The following PRDM2 variants were observed in gnomAD, a reference collection of about 807,000 sequenced individuals.
PRDM2 encodes PR domain zinc finger protein 2.
Under a neutral mutation model 130.0 loss-of-function variants are expected in PRDM2, and 30 were observed. The ratio of observed to expected loss-of-function variants is 0.23; its 90% CI spans 0.17 to 0.31. The LOEUF (loss-of-function observed/expected upper bound fraction) is 0.31. PRDM2 is among the 10% of genes least tolerant of loss of function. PRDM2 has a pLI of 1.00. For synonymous variants in PRDM2, 871 were observed against 782.4 expected, an observed-to-expected ratio of 1.11 and a Z score of -1.89; for missense variants, 2,011 against 2,108.4, an observed-to-expected ratio of 0.95 and a Z score of 0.90.
At chr1:13,718,638 T>G (rs948174422) in intron 2 of PRDM2, among the ~76,000 whole-genome samples, 9 of 152,078 alleles carry the variant, frequency 5.9e-5, no homozygotes, top group Non-Finnish European at 1.2e-4. Context: ...TCTTAATATC[T>G]CTTAACCTCT....
chr1:13,788,035 C>T (rs1242569128), intron 8 of PRDM2: 8 of 979,872 alleles, frequency 8.2e-6, no homozygotes, highest in Non-Finnish European at 7.3e-6. Context: ...AGAATTTAAA[C>T]AATGCATTTT....
At chr1:13,736,259 C>T (rs1403425566) in intron 4 of PRDM2, among the ~76,000 whole-genome samples, 1 of 152,004 alleles carries the variant, frequency 6.6e-6, no homozygotes, top group Non-Finnish European at 1.5e-5. Context: ...GCCTGTGCCA[C>T]TATGCCACTA....
intron 8 of PRDM2, among the ~76,000 whole-genome samples, 197 bp from the exon 9 acceptor site, chr1:13,816,230 A>G (rs1645254993): frequency 1.3e-5 from 2 of 152,140 alleles, no homozygotes; most frequent in African/African-American, 4.8e-5. Context: ...TGGATGGGAC[A>G]TGGAGAAGTG....
intron 8 of PRDM2, chr1:13,787,139 A>G: frequency 2.0e-6 from 2 of 985,330 alleles, no homozygotes; most frequent in Non-Finnish European, 2.4e-6. Flanking sequence ...ACTCTTTTTT[A>G]TGCCTATTCT....
At chr1:13,790,075 A>G (rs541160368) in intron 8 of PRDM2, among the ~76,000 whole-genome samples, 45 of 145,494 alleles carry the variant, frequency 3.1e-4, no homozygotes, top group African/African-American at 9.4e-4. Context: ...TGGGTTCCAC[A>G]CTTCACCTGG....
At chr1:13,809,744 C>G (rs1645141181) in intron 8 of PRDM2, among the ~76,000 whole-genome samples, 1 of 152,172 alleles carries the variant, frequency 6.6e-6, no homozygotes, top group African/African-American at 2.4e-5. Context: ...GTGGTCCAGA[C>G]CCCGTGTTCA....
chr1:13,721,219 A>T (rs554188050), intron 2 of PRDM2, among the ~76,000 whole-genome samples: 1 of 152,260 alleles, frequency 6.6e-6, no homozygotes, highest in East Asian at 1.9e-4. Context: ...GAGCTGTTTT[A>T]TGGGAGACCA....
chr1:13,748,667 A>G (rs1643691634), intron 5 of PRDM2, among the ~76,000 whole-genome samples: 1 of 152,202 alleles, frequency 6.6e-6, no homozygotes, highest in Admixed American at 6.5e-5. Context: ...GGTGGCCCTC[A>G]CTACTTCCAG....
At chr1:13,812,257 G>A (rs1645185857) in intron 8 of PRDM2, among the ~76,000 whole-genome samples, 1 of 152,158 alleles carries the variant, frequency 6.6e-6, no homozygotes, top group African/African-American at 2.4e-5. Context: ...GTGGCAATGG[G>A]AGTGGAGAGA....
chr1:13,780,449 C>T lies in PRDM2; in HGVS notation c.2654C>T (p.Thr885Ile), dbSNP rs777195970. The T allele has an allele frequency of 6.2e-7, 1 of 1,614,198 alleles. No homozygotes were observed. The highest frequency in any genetic ancestry group is 8.5e-7 in the Non-Finnish European group (1 of 1,180,032). ...GCTGTAAAGAAAAGGAAACCAACCA[C>T]CTGCATGCTGCAGAAGGTTCTTCTC... ...CSAVKKRKPT[T>I]CMLQKVLLNE... The change falls in exon 8 of 10, where the codon ACC (threonine) becomes ATC (isoleucine). Residue 885 changes from threonine (T) to isoleucine (I), a missense_variant. Around this residue, in one of 5 missense-constraint regions of PRDM2, gnomAD observed 1,288 missense variants for 1,237.7 expected, o/e 1.04. Transcript: ENST00000311066.
intron 1 of PRDM2, among the ~76,000 whole-genome samples, chr1:13,703,960 T>G (rs1168443895): frequency 6.6e-6 from 1 of 152,270 alleles, no homozygotes; most frequent in African/African-American, 2.4e-5. Flanking sequence ...TACATTATAA[T>G]TTAAAGATAG....
At position 13,824,535 on chromosome 1, in the gene PRDM2, G is replaced by A. The variant is rs1240676575; in HGVS notation, c.*1400G>A. The A allele has an allele frequency of 2.0e-5, 3 of 152,180 alleles. No homozygotes were observed. The highest frequency in any genetic ancestry group is 4.4e-5 in the Non-Finnish European group (3 of 68,036). 9.4% of individuals were successfully genotyped at this position (152,180 alleles called of 1,614,324 possible). ...GGATCTAGGAGAAGGGTCTCATGCG[G>A]ACCCTCACATGGGCAGAAAAATGGT... On this transcript the variant is annotated 3_prime_UTR_variant, in exon 10 of 10. Coordinates refer to ENST00000311066, the MANE Select transcript of PRDM2 (RefSeq NM_001393986.1).
chr1:13,738,925 TGAACATACCAA>T (rs1267140646), intron 4 of PRDM2: 1 of 151,908 alleles, frequency 6.6e-6, no homozygotes, highest in Non-Finnish European at 1.5e-5. Context: ...AACTGGAATT[TGAACATACCAA>T]GAAGGTATAG....
At chr1:13,713,610 A>T (rs1478494333) in intron 1 of PRDM2, among the ~76,000 whole-genome samples, 1 of 152,216 alleles carries the variant, frequency 6.6e-6, no homozygotes, top group Non-Finnish European at 1.5e-5. Flanking sequence ...ATCTTTTATT[A>T]CAACATTTGC....
At chr1:13,790,837 C>A (rs144675052) in intron 8 of PRDM2, among the ~76,000 whole-genome samples, 10 of 152,268 alleles carry the variant, frequency 6.6e-5, no homozygotes, top group South Asian at 6.2e-4. Context: ...TCCCTCCCCC[C>A]CTTCTGCCCT....
chr1:13,784,437 C>T (rs972011475), intron 8 of PRDM2, among the ~76,000 whole-genome samples: 4 of 152,174 alleles, frequency 2.6e-5, no homozygotes, highest in Non-Finnish European at 5.9e-5. Flanking sequence ...ACTGTCTATC[C>T]CTTTTGTCTT....
intron 2 of PRDM2, among the ~76,000 whole-genome samples, chr1:13,725,907 C>T (rs968296905): frequency 6.6e-6 from 1 of 152,188 alleles, no homozygotes; most frequent in African/African-American, 2.4e-5. Context: ...TTTATCTTGG[C>T]TCCACTACTT....
At position 13,824,349 on chromosome 1, in the gene PRDM2, T is replaced by C. The variant is rs560864138; in HGVS notation, c.*1214T>C. The C allele has an allele frequency of 1.1e-3, 173 of 152,746 alleles. No individual in the cohort carries two copies. The highest frequency in any genetic ancestry group is 4.0e-3 in the African/African-American group (168 of 41,578). 9.5% of individuals were successfully genotyped at this position (152,746 alleles called of 1,614,324 possible). A position where few individuals can be genotyped will look rare whatever the true frequency, so the allele number is the denominator to read the frequency against. The stretch of plus-strand genomic sequence containing the variant: ...TCACACGATAAAGGGATTTTTTTTT[T>C]CAGGGCTACTACGGTTGATCTTGCA... On this transcript the variant is annotated 3_prime_UTR_variant, in exon 10 of 10. Coordinates refer to ENST00000311066, the MANE Select transcript of PRDM2 (RefSeq NM_001393986.1).
chr1:13,737,922 C>T (rs1159039863), intron 4 of PRDM2, among the ~76,000 whole-genome samples: 1 of 152,094 alleles, frequency 6.6e-6, no homozygotes, highest in Non-Finnish European at 1.5e-5. Flanking sequence ...GGTAATACCT[C>T]ATGGAAATTT....
Sources: allele counts gnomAD v4.1 joint callset (sites outside exome capture counted in the v4.1 genomes callset), GRCh38; gene constraint gnomAD v4.1.1; regional missense constraint gnomAD v4.1.1; transcripts MANE v1.5; gene names NCBI Gene and HGNC (gene_info 2026-07-23, HGNC 2026-07-21).